The following KIRREL3 variants were observed in gnomAD, a reference collection of about 807,000 sequenced individuals.
KIRREL3 encodes the protein kirre like nephrin family adhesion molecule 3, also known as kin of IRRE-like protein 3.
Under a neutral mutation model 89.7 loss-of-function variants are expected in KIRREL3, and 36 were observed. The observed-to-expected ratio is 0.40, with a 90% CI of 0.31 to 0.53. The LOEUF is 0.53. Among genes scored for constraint, KIRREL3 ranks in the 20% least tolerant of loss-of-function variants. KIRREL3 has a pLI of 0.49. For missense variants in KIRREL3, 864 were observed against 1,056.6 expected (o/e 0.82, Z 2.53); for synonymous variants, 445 against 441.4 (o/e 1.01, Z -0.10).
chr11:126,640,186 C>T lies in KIRREL3; in HGVS notation c.56-77274G>A, dbSNP rs1373389476. 6.6e-6 allele frequency among the ~76,000 whole-genome samples: 1 copy of T among 152,130 alleles called. No individual in the cohort carries two copies. The highest frequency in any genetic ancestry group is 2.1e-4 in the South Asian group (1 of 4,812). ...TTTTCTGTCTATCTCACTCACCCTT[C>T]AGCTGGTGAGTGGTCCCCGAGAGCT... On this transcript the variant is annotated intron_variant, in intron 1 of 16. Transcript: ENST00000525144. The surrounding 1 kb of genome is among the most constrained non-coding windows in gnomAD (Gnocchi z 4.9).
At chr11:126,836,365 A>G (rs1943781578) in intron 1 of KIRREL3, among the ~76,000 whole-genome samples, 1 of 152,128 alleles carries the variant, frequency 6.6e-6, no homozygotes, top group South Asian at 2.1e-4. Context: ...CCTGATATAA[A>G]TCCTGACTCC....
At chr11:126,882,064 T>C (rs1330634691) in intron 1 of KIRREL3, among the ~76,000 whole-genome samples, 2 of 152,110 alleles carry the variant, frequency 1.3e-5, no homozygotes, top group African/African-American at 2.4e-5. Context: ...TCAGGTCTTT[T>C]CCCATGATCA....
intron 1 of KIRREL3, among the ~76,000 whole-genome samples, chr11:126,659,138 G>C (rs976231578): frequency 6.6e-6 from 1 of 152,190 alleles, no homozygotes; most frequent in Non-Finnish European, 1.5e-5. Flanking sequence ...CAAGGATATA[G>C]TCATGAACGT....
chr11:126,837,558 T>C lies in KIRREL3; in HGVS notation c.55+162897A>G, dbSNP rs1375668356. 6.6e-6 allele frequency among the ~76,000 whole-genome samples: 1 copy of C among 152,186 alleles called. No homozygotes were observed. The highest frequency in any genetic ancestry group is 2.4e-5 in the African/African-American group (1 of 41,446). On this transcript the variant is annotated intron_variant, in intron 1 of 16. Transcript: ENST00000525144. This position sits in a 1 kb window ranked among gnomAD's most constrained non-coding sequence, Gnocchi z 4.7. ...GGTCCAGATTTAAAAGAACTCCTCT[T>C]CCCACCTCTTCCAATCCTCGCTACA...
At chr11:126,695,211 T>C (rs1947041021) in intron 1 of KIRREL3, among the ~76,000 whole-genome samples, 1 of 152,088 alleles carries the variant, frequency 6.6e-6, no homozygotes, top group South Asian at 2.1e-4. Context: ...AATTCATTGG[T>C]ATTTTGGGGT....
At chr11:126,538,110 A>G (rs1591701124) in intron 2 of KIRREL3, among the ~76,000 whole-genome samples, 1 of 152,230 alleles carries the variant, frequency 6.6e-6, no homozygotes, top group Non-Finnish European at 1.5e-5. Context: ...CACCCATTAG[A>G]AACCTGCATG....
rs1950823448 is a variant in KIRREL3, at chr11:126,796,708, C to T, written c.55+203747G>A. ...ATTTTATTTTTGCAACAAGGTCTTG[C>T]TCTGTTGCCCAGGCTGGAGTGCAGT... is the stretch of plus-strand genomic sequence containing the variant. On this transcript the variant is annotated intron_variant, in intron 1 of 16. Transcript: ENST00000525144. This position sits in a 1 kb window ranked among gnomAD's most constrained non-coding sequence, Gnocchi z 5.1. Among the ~76,000 whole-genome samples the T allele has an allele frequency of 6.6e-6, 1 of 151,942 alleles. No homozygotes were observed. The highest frequency in any genetic ancestry group is 1.5e-5 in the Non-Finnish European group (1 of 67,992).
In KIRREL3 at chr11:126,668,109, T is replaced by C. The variant is rs1047682667; in HGVS notation, c.56-105197A>G. On this transcript the variant is annotated intron_variant, in intron 1 of 16. Transcript: ENST00000525144. The surrounding 1 kb of genome is among the most constrained non-coding windows in gnomAD (Gnocchi z 4.4). ...TCGGCTATAACAAAACACCATAAACTGGGTGGTTTATAAACAACAGAAATT... is the reference window on the plus strand; with the variant it reads ...TCGGCTATAACAAAACACCATAAACCGGGTGGTTTATAAACAACAGAAATT... 3.3e-5 allele frequency among the ~76,000 whole-genome samples: 5 copies of C among 152,154 alleles called. No homozygotes were observed. The highest frequency in any genetic ancestry group is 7.4e-5 in the Non-Finnish European group (5 of 68,024).
At position 126,614,193 on chromosome 11, in the gene KIRREL3, C is replaced by T. The variant is rs1172524897; in HGVS notation, c.56-51281G>A. Among the ~76,000 whole-genome samples the T allele has an allele frequency of 2.0e-5, 3 of 151,956 alleles. No homozygotes were observed. The highest frequency in any genetic ancestry group is 2.0e-4 in the Admixed American group (3 of 15,256). On this transcript the variant is annotated intron_variant, in intron 1 of 16. Coordinates refer to ENST00000525144, the MANE Select transcript of KIRREL3 (RefSeq NM_032531.4). This position sits in a 1 kb window ranked among gnomAD's most constrained non-coding sequence, Gnocchi z 4.6. ...GTGCGCTTTAAGGGTTGGAAAAGTT[C>T]GATCTATTGTCGATTTCTCTATGGT...
rs1002803633 is a variant in KIRREL3, at chr11:126,786,147, GA to G, written c.55+214307del. 4.3e-4 allele frequency among the ~76,000 whole-genome samples: 66 copies of G among 151,972 alleles called. 1 individual carries two copies. Among genetic ancestry groups the G allele is most frequent in the Non-Finnish European group, 2.8e-4 (19 of 68,008 alleles). Reference sequence around the variant, plus strand: ...TTCATAGACTTGATGGAATATTATGGAATCATTAGAATGATCATTTATGAGA... The same window carrying G: ...TTCATAGACTTGATGGAATATTATGGATCATTAGAATGATCATTTATGAGA... On this transcript the variant is annotated intron_variant, in intron 1 of 16. Coordinates refer to ENST00000525144, the MANE Select transcript of KIRREL3 (RefSeq NM_032531.4).
At chr11:126,604,846 C>T (rs528905110) in intron 1 of KIRREL3, among the ~76,000 whole-genome samples, 57 of 152,230 alleles carry the variant, frequency 3.7e-4, no homozygotes, top group Non-Finnish European at 6.9e-4. Context: ...CTGCAACCTG[C>T]TAACTTCACA....
intron 1 of KIRREL3, among the ~76,000 whole-genome samples, chr11:126,722,638 G>A (rs1262568350): frequency 6.6e-6 from 1 of 152,240 alleles, no homozygotes; most frequent in African/African-American, 2.4e-5. Flanking sequence ...TGTAAAGACT[G>A]GAATGTTTAC....
In KIRREL3 at chr11:126,808,154, G is replaced by A. The variant is rs1256180802; in HGVS notation, c.55+192301C>T. Reference sequence around the variant, plus strand: ...ACCTGGGGTTGAGGAGCAATTGTATGTAGTTTGGAGAATAGGGCCCTCATC... The same window carrying A: ...ACCTGGGGTTGAGGAGCAATTGTATATAGTTTGGAGAATAGGGCCCTCATC... On this transcript the variant is annotated intron_variant, in intron 1 of 16. Coordinates refer to ENST00000525144, the MANE Select transcript of KIRREL3 (RefSeq NM_032531.4). This position sits in a 1 kb window ranked among gnomAD's most constrained non-coding sequence, Gnocchi z 4.1. Among the ~76,000 whole-genome samples the A allele has an allele frequency of 1.3e-5, 2 of 152,332 alleles. No individual in the cohort carries two copies. Among genetic ancestry groups the A allele is most frequent in the East Asian group, 1.9e-4 (1 of 5,190 alleles).
intron 4 of KIRREL3, among the ~76,000 whole-genome samples, chr11:126,512,901 T>A (rs1400129553): frequency 6.6e-6 from 1 of 152,192 alleles, no homozygotes; most frequent in Admixed American, 6.5e-5. Flanking sequence ...TCTCTCCTGC[T>A]ACTGGCTCCA....
Position 126,609,786 on chromosome 11 carries a change from A to G in KIRREL3, c.56-46874T>C, listed in dbSNP as rs907415259. Among the ~76,000 whole-genome samples the G allele has an allele frequency of 1.3e-5, 2 of 152,244 alleles. No individual in the cohort carries two copies. Among genetic ancestry groups the G allele is most frequent in the Admixed American group, 1.3e-4 (2 of 15,288 alleles). On this transcript the variant is annotated intron_variant, in intron 1 of 16. Transcript: ENST00000525144. The surrounding 1 kb of genome is among the most constrained non-coding windows in gnomAD (Gnocchi z 5.0). ...AGAGCTCCCCAGTATTCTAATATAC[A>G]GCAAAAGTTGAGAGCCACTCGCAGC... is the stretch of plus-strand genomic sequence containing the variant.
chr11:126,844,945 G>T lies in KIRREL3; in HGVS notation c.55+155510C>A, dbSNP rs960157428. On this transcript the variant is annotated intron_variant, in intron 1 of 16. Transcript: ENST00000525144. This position sits in a 1 kb window ranked among gnomAD's most constrained non-coding sequence, Gnocchi z 4.8. ...TGGTGGGTCTTACTCTGGCCTCTCTGAGCTCTCTGCCTTCCCCACCCTGCT... is the reference window on the plus strand; with the variant it reads ...TGGTGGGTCTTACTCTGGCCTCTCTTAGCTCTCTGCCTTCCCCACCCTGCT... 6.6e-6 allele frequency among the ~76,000 whole-genome samples: 1 copy of T among 152,122 alleles called. No homozygotes were observed. Among genetic ancestry groups the T allele is most frequent in the African/African-American group, 2.4e-5 (1 of 41,418 alleles).
chr11:126,908,441 T>G lies in KIRREL3; in HGVS notation c.55+92014A>C, dbSNP rs1946673721. Among the ~76,000 whole-genome samples, 1 of 152,216 alleles carries G rather than the reference T, an allele frequency of 6.6e-6. No individual in the cohort carries two copies. The highest frequency in any genetic ancestry group is 6.5e-5 in the Admixed American group (1 of 15,290). On this transcript the variant is annotated intron_variant, in intron 1 of 16. Coordinates refer to ENST00000525144, the MANE Select transcript of KIRREL3 (RefSeq NM_032531.4). This position sits in a 1 kb window ranked among gnomAD's most constrained non-coding sequence, Gnocchi z 4.2. ...TGACTTTGGGCAAGTCACTTTAACC[T>G]CTCTGTGCTCTGGTTTTCTCATATG...
Position 126,428,229 on chromosome 11 carries a change from G to T in KIRREL3, c.1806+950C>A, listed in dbSNP as rs1955008823. The stretch of plus-strand genomic sequence containing the variant: ...CCATCTCATGGATGAGGACATGGAG[G>T]CACCAGAAAGCCCATCTACTATATT... On this transcript the variant is annotated intron_variant, in intron 15 of 16. Transcript: ENST00000525144. The surrounding 1 kb of genome is among the most constrained non-coding windows in gnomAD (Gnocchi z 6.4). 6.6e-6 allele frequency among the ~76,000 whole-genome samples: 1 copy of T among 152,170 alleles called. No individual in the cohort carries two copies. The highest frequency in any genetic ancestry group is 1.5e-5 in the Non-Finnish European group (1 of 68,042).
rs1222795994 is a variant in KIRREL3, at chr11:126,719,056, T to G, written c.56-156144A>C. ...GGAGAAGCCTTTCTCATGTTTGTTTTCCTCCTGCTATACCTCCTTTGCTGT... is the reference window on the plus strand; with the variant it reads ...GGAGAAGCCTTTCTCATGTTTGTTTGCCTCCTGCTATACCTCCTTTGCTGT... On this transcript the variant is annotated intron_variant, in intron 1 of 16. Transcript: ENST00000525144. The surrounding 1 kb of genome is among the most constrained non-coding windows in gnomAD (Gnocchi z 4.7). Among the ~76,000 whole-genome samples the G allele has an allele frequency of 6.6e-6, 1 of 152,274 alleles. No homozygotes were observed. The highest frequency in any genetic ancestry group is 1.9e-4 in the East Asian group (1 of 5,208).
Sources: gnomAD v4.1 joint callset for allele counts (sites outside exome capture counted in the v4.1 genomes callset) on GRCh38, gnomAD v4.1.1 for gene constraint, Gnocchi (gnomAD v3.1) non-coding constraint, MANE v1.5 for transcripts, NCBI Gene and HGNC (gene_info 2026-07-23, HGNC 2026-07-21) for gene names.